Variants in CCDC117 observed in about 807,000 individuals in gnomAD.
CCDC117 encodes the protein coiled-coil domain-containing protein 117.
Under a neutral mutation model 23.5 loss-of-function variants are expected in CCDC117, and 1 was observed. The ratio of observed to expected loss-of-function variants is 0.04; its 90% CI spans 0.02 to 0.20. The LOEUF (loss-of-function observed/expected upper bound fraction) is 0.20, where lower values mean the gene tolerates loss of function less well. CCDC117 is among the 10% of genes least tolerant of loss of function. CCDC117 has a pLI of 1.00. For synonymous variants in CCDC117, 132 were observed against 124.8 expected (o/e 1.06, Z -0.39); for missense variants, 383 against 348.2 (o/e 1.10, Z -0.80).
intron 2 of CCDC117, among the ~76,000 whole-genome samples, chr22:28,776,147 G>T (rs1399949335): frequency 1.3e-5 from 2 of 152,046 alleles, no homozygotes; most frequent in Non-Finnish European, 2.9e-5. Flanking sequence ...GGTGCCTCAT[G>T]CCTGTAATCC....
intron 3 of CCDC117, among the ~76,000 whole-genome samples, 158 bp downstream of exon 3, chr22:28,781,330 GTTTTGTTTTTTTTTT>G (rs2031314335): frequency 1.1e-4 from 4 of 37,628 alleles, no homozygotes; most frequent in African/African-American, 2.9e-4. Flanking sequence ...TTGTTTTTTT[GTTTTGTTTTTTTTTT>G]TTTTTTTTTT....
In CCDC117 at chr22:28,789,223, A is replaced by G. The variant is rs1232459874; in HGVS notation, c.*2897A>G. On this transcript the variant is annotated 3_prime_UTR_variant, in exon 5 of 5. Transcript: ENST00000249064. ...AGGAATGTTCTGGAAGATGCTGTTA[A>G]TTTTACTTTAAAATGAGAATCTGGT... The G allele has an allele frequency of 1.3e-5, 2 of 152,132 alleles. No individual in the cohort carries two copies. Among genetic ancestry groups the G allele is most frequent in the Non-Finnish European group, 2.9e-5 (2 of 68,018 alleles). 9.4% of individuals were successfully genotyped at this position (152,132 alleles called of 1,614,324 possible).
intron 2 of CCDC117, among the ~76,000 whole-genome samples, chr22:28,775,768 G>A (rs1396452115): frequency 1.3e-5 from 2 of 152,074 alleles, no homozygotes; most frequent in African/African-American, 4.8e-5. Flanking sequence ...GCGGTGGCAG[G>A]TGTCTGTAAT....
intron 4 of CCDC117, among the ~76,000 whole-genome samples, chr22:28,785,188 T>G (rs1376058799): frequency 1.3e-5 from 2 of 151,650 alleles, no homozygotes; most frequent in African/African-American, 4.8e-5. Context: ...TTGTTTTGTT[T>G]TGTTTTGTTT....
intron 4 of CCDC117, 91 bp from the exon 5 acceptor site, chr22:28,785,998 T>TA: frequency 1.2e-6 from 1 of 829,480 alleles, no homozygotes; most frequent in South Asian, 1.7e-5. Context: ...CATCAGTCCT[T>TA]AAGATACTAG....
At chr22:28,779,992 A>T (rs76197871) in intron 2 of CCDC117, among the ~76,000 whole-genome samples, 2 of 152,334 alleles carry the variant, frequency 1.3e-5, no homozygotes, top group Non-Finnish European at 2.9e-5. Flanking sequence ...GGTGGTAAGC[A>T]CTTGAACAGT....
At chr22:28,778,640 C>G (rs1433677908) in intron 2 of CCDC117, among the ~76,000 whole-genome samples, 1 of 151,964 alleles carries the variant, frequency 6.6e-6, no homozygotes, top group African/African-American at 2.4e-5. Flanking sequence ...TTATCTTTTG[C>G]GGTTCTCTCT....
intron 3 of CCDC117, among the ~76,000 whole-genome samples, chr22:28,782,307 A>C (rs1177391424): frequency 8.3e-6 from 1 of 121,106 alleles, no homozygotes; most frequent in African/African-American, 3.3e-5. Flanking sequence ...CCCAGGCTGG[A>C]GTACAATGGT....
chr22:28,781,131 G>A lies in CCDC117; in HGVS notation c.423G>A (p.Gln141=). Residue 141 remains glutamine, a synonymous_variant, in exon 3 of 5, where the codon CAG becomes CAA. Transcript: ENST00000249064. The part of the protein sequence containing the change: ...EEMDQTTGEP[Q]CEVARRKLQE... ...TGGATCAGACAACTGGAGAACCACA[G>A]TGTGAAGTTGCCCGAAGGAAGCTTC... is the stretch of plus-strand genomic sequence containing the variant. The A allele has an allele frequency of 6.2e-7, 1 of 1,613,896 alleles. No individual in the cohort carries two copies. Among genetic ancestry groups the A allele is most frequent in the Non-Finnish European group, 8.5e-7 (1 of 1,179,960 alleles).
chr22:28,778,708 A>G (rs865816673), intron 2 of CCDC117, among the ~76,000 whole-genome samples: 3 of 152,218 alleles, frequency 2.0e-5, no homozygotes, highest in South Asian at 2.1e-4. Flanking sequence ...TATAGAAACT[A>G]TCGGCTTAAA....
intron 2 of CCDC117, among the ~76,000 whole-genome samples, chr22:28,779,461 C>T (rs1318344227): frequency 6.6e-6 from 1 of 152,110 alleles, no homozygotes; most frequent in Non-Finnish European, 1.5e-5. Flanking sequence ...CTGCCTCGGC[C>T]TCCCAAAGTG....
In CCDC117 at chr22:28,772,812, G is replaced by C; in HGVS notation, c.-38G>C. ...GCTGCCGGGCCTGGGGACGCGGGCG[G>C]CCGAGGCCGCCGTCGCAGCCTCCTC... On this transcript the variant is annotated 5_prime_UTR_variant, in exon 1 of 5. Coordinates refer to ENST00000249064, the MANE Select transcript of CCDC117 (RefSeq NM_173510.4). 8.2e-7 allele frequency: 1 copy of C among 1,219,324 alleles called. No homozygotes were observed. The allele number at this position is 1,219,324 out of a possible 1,614,324, so 75.5% of individuals were successfully genotyped here.
intron 1 of CCDC117, 79 bp downstream of exon 1, chr22:28,773,113 C>G (rs1274597927): frequency 1.7e-5 from 12 of 699,764 alleles, no homozygotes; most frequent in Non-Finnish European, 2.1e-5. Context: ...CGGGCGCGGG[C>G]AGGGGCGCGG....
At chr22:28,773,894 C>A in intron 2 of CCDC117, 116 bp downstream of exon 2, 1 of 806,288 alleles carries the variant, frequency 1.2e-6, no homozygotes, top group Non-Finnish European at 2.1e-6. Context: ...TGGAAAGAGA[C>A]ACAGAAATTA....
chr22:28,782,249 C>CATTTTTT (rs1007745948), intron 3 of CCDC117, among the ~76,000 whole-genome samples: 1 of 119,872 alleles, frequency 8.3e-6, no homozygotes, highest in African/African-American at 3.5e-5. Context: ...GTCTACTGAG[C>CATTTTTT]CTTTTTTTTT....
In CCDC117 at chr22:28,787,464, T is replaced by G. The variant is rs535594956; in HGVS notation, c.*1138T>G. ...AGCAAGTTGTTTTTAAATGTTAATA[T>G]AGAAAACAGTGAAGGATTAGCTGAA... is the stretch of plus-strand genomic sequence containing the variant. On this transcript the variant is annotated 3_prime_UTR_variant, in exon 5 of 5. Coordinates refer to ENST00000249064, the MANE Select transcript of CCDC117 (RefSeq NM_173510.4). The G allele has an allele frequency of 2.0e-5, 3 of 152,192 alleles. No individual in the cohort carries two copies. Among genetic ancestry groups the G allele is most frequent in the Non-Finnish European group, 4.4e-5 (3 of 68,038 alleles). The allele number at this position is 152,192 out of a possible 1,614,324, so 9.4% of individuals were successfully genotyped here.
intron 2 of CCDC117, among the ~76,000 whole-genome samples, chr22:28,776,323 G>C (rs2031159509): frequency 6.6e-6 from 1 of 152,178 alleles, no homozygotes; most frequent in African/African-American, 2.4e-5. Context: ...ACGAGGAGAA[G>C]GCAGAGGTTA....
At chr22:28,783,445 A>G in intron 3 of CCDC117, 63 bp from the exon 4 acceptor site, 1 of 1,512,912 alleles carries the variant, frequency 6.6e-7, no homozygotes, top group Non-Finnish European at 8.9e-7. Flanking sequence ...TTGTCCAAAT[A>G]CTAGAATATA....
intron 3 of CCDC117, 77 bp from the exon 4 acceptor site, chr22:28,783,431 A>G: frequency 1.4e-6 from 2 of 1,419,476 alleles, no homozygotes. Flanking sequence ...TTATTTTTAA[A>G]ATTTTGTCCA....
Sources: allele counts gnomAD v4.1 joint callset (sites outside exome capture counted in the v4.1 genomes callset), GRCh38; gene constraint gnomAD v4.1.1; transcripts MANE v1.5; gene names NCBI Gene and HGNC (gene_info 2026-07-23, HGNC 2026-07-21).